The following HCRTR2 variants were observed in gnomAD, a reference collection of about 807,000 sequenced individuals.
The protein encoded by HCRTR2 is orexin receptor type 2.
A neutral mutation model predicts 49.0 loss-of-function variants in HCRTR2; 22 were observed. The ratio of observed to expected loss-of-function variants is 0.45; its 90% CI spans 0.32 to 0.64. HCRTR2 has a LOEUF of 0.64. Ranked by LOEUF, HCRTR2 falls within the 30% of genes least tolerant of loss-of-function variation. The pLI, the probability that HCRTR2 is intolerant of heterozygous loss-of-function variation, is 0.04. For missense variants in HCRTR2, 491 were observed against 559.4 expected, an observed-to-expected ratio of 0.88 and a Z score of 1.23; for synonymous variants, 236 against 205.3, an observed-to-expected ratio of 1.15 and a Z score of -1.28.
intron 1 of HCRTR2, among the ~76,000 whole-genome samples, chr6:55,168,528 C>G (rs554901857): frequency 5.9e-5 from 9 of 152,210 alleles, no homozygotes; most frequent in African/African-American, 2.2e-4. Context: ...AGTTACTTAA[C>G]TTCTTTGTGT....
intron 1 of HCRTR2, among the ~76,000 whole-genome samples, chr6:55,212,417 C>A (rs1765712876): frequency 1.3e-5 from 2 of 152,180 alleles, no homozygotes; most frequent in African/African-American, 2.4e-5. Flanking sequence ...TATCAATCTT[C>A]TTTCCCTTCC....
chr6:55,205,052 A>G (rs1414383625), intron 1 of HCRTR2, among the ~76,000 whole-genome samples: 1 of 152,152 alleles, frequency 6.6e-6, no homozygotes, highest in Non-Finnish European at 1.5e-5. Flanking sequence ...TTCTGGGATT[A>G]CAGGTGTGAA....
At chr6:55,278,515 T>C (rs1292826852) in intron 5 of HCRTR2, among the ~76,000 whole-genome samples, 2 of 151,998 alleles carry the variant, frequency 1.3e-5, no homozygotes. Context: ...AGGGTTCTCA[T>C]TCTCTTTGGC....
At chr6:55,249,898 A>G (rs1323185615) in intron 2 of HCRTR2, among the ~76,000 whole-genome samples, 1 of 152,078 alleles carries the variant, frequency 6.6e-6, no homozygotes, top group Non-Finnish European at 1.5e-5. Flanking sequence ...TACGCCATGC[A>G]GTCTCCCAGA....
chr6:55,180,963 C>CAA (rs1246149724), intron 1 of HCRTR2, among the ~76,000 whole-genome samples: 1 of 97,104 alleles, frequency 1.0e-5, no homozygotes, highest in Non-Finnish European at 2.2e-5. Flanking sequence ...CCATGCCCAG[C>CAA]TATTTTTTTT....
intron 1 of HCRTR2, among the ~76,000 whole-genome samples, chr6:55,126,831 CA>C (rs1444543802): frequency 1.3e-5 from 2 of 152,174 alleles, no homozygotes; most frequent in Non-Finnish European, 2.9e-5. Flanking sequence ...GGGCTCCAGC[CA>C]GTTTGGTCTT....
At chr6:55,242,350 A>G (rs1766352042) in intron 1 of HCRTR2, among the ~76,000 whole-genome samples, 1 of 150,974 alleles carries the variant, frequency 6.6e-6, no homozygotes, top group African/African-American at 2.5e-5. Flanking sequence ...TCATGGAACA[A>G]TAATGTCTCC....
chr6:55,210,110 T>C (rs1164993118), intron 1 of HCRTR2, among the ~76,000 whole-genome samples: 2 of 152,068 alleles, frequency 1.3e-5, no homozygotes, highest in African/African-American at 4.8e-5. Flanking sequence ...AATGACACCA[T>C]TGGAAACTCA....
intron 1 of HCRTR2, among the ~76,000 whole-genome samples, chr6:55,127,809 G>A (rs943751619): frequency 2.2e-5 from 2 of 89,492 alleles, no homozygotes; most frequent in African/African-American, 1.1e-4. Flanking sequence ...TGTCCAAAAG[G>A]AGACTTGCCT....
intron 1 of HCRTR2, among the ~76,000 whole-genome samples, chr6:55,164,256 T>A (rs1581802394): frequency 6.6e-6 from 1 of 152,256 alleles, no homozygotes; most frequent in Non-Finnish European, 1.5e-5. Flanking sequence ...CCATTTGACC[T>A]AGCAATCCCA....
At chr6:55,212,484 C>A (rs1366896098) in intron 1 of HCRTR2, among the ~76,000 whole-genome samples, 1 of 152,120 alleles carries the variant, frequency 6.6e-6, no homozygotes, top group Non-Finnish European at 1.5e-5. Context: ...AACGTGAATT[C>A]TGTTTTGAAG....
intron 1 of HCRTR2, among the ~76,000 whole-genome samples, chr6:55,201,091 T>C (rs746205574): frequency 6.6e-6 from 1 of 152,140 alleles, no homozygotes; most frequent in Non-Finnish European, 1.5e-5. Context: ...GTAGACCTGT[T>C]TGGTAGGTTC....
chr6:55,204,017 T>G (rs953177610), intron 1 of HCRTR2, among the ~76,000 whole-genome samples: 1 of 152,214 alleles, frequency 6.6e-6, no homozygotes, highest in African/African-American at 2.4e-5. Flanking sequence ...GATCTTATAT[T>G]GATCTTACCC....
chr6:55,195,251 A>G (rs984903994), intron 1 of HCRTR2, among the ~76,000 whole-genome samples: 5 of 152,172 alleles, frequency 3.3e-5, no homozygotes, highest in Admixed American at 3.3e-4. Context: ...GGAAATCTCA[A>G]GAAAATAATA....
chr6:55,122,388 AT>A (rs1305306626), intron 1 of HCRTR2, among the ~76,000 whole-genome samples: 8 of 151,916 alleles, frequency 5.3e-5, no homozygotes, highest in African/African-American at 1.9e-4. Context: ...CGATCTATGA[AT>A]TTTGTTTATC....
intron 1 of HCRTR2, among the ~76,000 whole-genome samples, chr6:55,161,715 A>G (rs1423792275): frequency 1.3e-5 from 2 of 152,220 alleles, no homozygotes; most frequent in East Asian, 3.9e-4. Flanking sequence ...CTCTATGCAA[A>G]TAAACTAGAA....
chr6:55,231,933 A>G (rs1581844543), intron 1 of HCRTR2, among the ~76,000 whole-genome samples: 2 of 152,104 alleles, frequency 1.3e-5, no homozygotes, highest in South Asian at 4.2e-4. Context: ...TAATCTCCTC[A>G]TCTCCATCCA....
intron 1 of HCRTR2, among the ~76,000 whole-genome samples, chr6:55,208,112 T>C (rs975075339): frequency 6.6e-6 from 1 of 152,060 alleles, no homozygotes; most frequent in Non-Finnish European, 1.5e-5. Context: ...ATTCAGTCTT[T>C]TAAACAAGAG....
At chr6:55,207,976 T>G (rs1289288324) in intron 1 of HCRTR2, among the ~76,000 whole-genome samples, 1 of 152,192 alleles carries the variant, frequency 6.6e-6, no homozygotes, top group Non-Finnish European at 1.5e-5. Context: ...TCTTGTCAAC[T>G]TTTTTGTTTT....
Sources: gnomAD v4.1 joint callset for allele counts (sites outside exome capture counted in the v4.1 genomes callset) on GRCh38, gnomAD v4.1.1 for gene constraint, MANE v1.5 for transcripts, NCBI Gene and HGNC (gene_info 2026-07-23, HGNC 2026-07-21) for gene names.